Variants in RAB6B observed in about 807,000 individuals in gnomAD.
RAB6B encodes the protein ras-related protein Rab-6B.
In RAB6B, 7 loss-of-function variants were observed where a neutral mutation model predicts 31.2. The ratio of observed to expected loss-of-function variants is 0.22; its 90% CI spans 0.13 to 0.42. RAB6B has a LOEUF of 0.42. Among genes scored for constraint, RAB6B ranks in the 10% least tolerant of loss-of-function variants. The pLI is 1.00. For synonymous variants in RAB6B, 105 were observed against 104.9 expected, an observed-to-expected ratio of 1.00 and a Z score of -0.01; for missense variants, 149 against 280.6, an observed-to-expected ratio of 0.53 and a Z score of 3.35.
chr3:133,839,737 GA>G, intron 4 of RAB6B, 120 bp from the exon 5 acceptor site: 1 of 752,742 alleles, frequency 1.3e-6, no homozygotes, highest in East Asian at 2.5e-5. Context: ...GATACCCAGG[GA>G]GGGGTGTGAG....
At chr3:133,844,285 G>C (rs1392205031) in intron 2 of RAB6B, among the ~76,000 whole-genome samples, 2 of 152,200 alleles carry the variant, frequency 1.3e-5, no homozygotes, top group African/African-American at 4.8e-5. Context: ...CGAGGAACCT[G>C]AACAAGGCCA....
intron 6 of RAB6B, among the ~76,000 whole-genome samples, chr3:133,834,990 G>A (rs933717060): frequency 2.0e-5 from 3 of 152,220 alleles, no homozygotes; most frequent in Admixed American, 6.5e-5. Flanking sequence ...CTGGGTGACA[G>A]GCCTTAAGGT....
At chr3:133,883,725 C>G (rs539590759) in intron 1 of RAB6B, among the ~76,000 whole-genome samples, 1 of 152,386 alleles carries the variant, frequency 6.6e-6, no homozygotes, top group Admixed American at 6.5e-5. Context: ...CCCCCACTCA[C>G]AGACAGGGTC....
At chr3:133,878,623 TA>T (rs1366166315) in intron 1 of RAB6B, among the ~76,000 whole-genome samples, 10 of 152,252 alleles carry the variant, frequency 6.6e-5, no homozygotes, top group Non-Finnish European at 1.5e-4. Context: ...AAATGGTCAC[TA>T]CATGTGTATG....
At position 133,841,682 on chromosome 3, in the gene RAB6B, GA is replaced by G; in HGVS notation, c.130-20del. 1 of 1,613,590 alleles carries G rather than the reference GA, an allele frequency of 6.2e-7. No homozygotes were observed. The highest frequency in any genetic ancestry group is 2.2e-5 in the East Asian group (1 of 44,878). On this transcript the variant is annotated intron_variant, in intron 2 of 7. Coordinates refer to ENST00000285208, the MANE Select transcript of RAB6B (RefSeq NM_016577.4). ...TGGTTGCCTGTTAGAGAAAAGCACA[GA>G]ACGGTCAAAATCAAAAGGTCTCATG...
Position 133,895,578 on chromosome 3 carries a change from A to C in RAB6B, c.-112T>G. 9.3e-7 allele frequency: 1 copy of C among 1,075,888 alleles called. No homozygotes were observed. Among genetic ancestry groups the C allele is most frequent in the South Asian group, 1.4e-5 (1 of 71,476 alleles). The allele number at this position is 1,075,888 out of a possible 1,614,324, so 66.6% of individuals were successfully genotyped here. ...CGGCGGTGCGGGAGCCGGAGGGGGA[A>C]GGGCTGGCTGCGCGCGTCCCTGACT... On this transcript the variant is annotated 5_prime_UTR_variant, in exon 1 of 8. Coordinates refer to ENST00000285208, the MANE Select transcript of RAB6B (RefSeq NM_016577.4).
chr3:133,826,658 T>C lies in RAB6B; in HGVS notation c.*2130A>G, dbSNP rs940463681. The C allele has an allele frequency of 6.5e-6, 1 of 152,680 alleles. No homozygotes were observed. The highest frequency in any genetic ancestry group is 1.5e-5 in the Non-Finnish European group (1 of 68,054). The allele number at this position is 152,680 out of a possible 1,614,324, so 9.5% of individuals were successfully genotyped here. ...CCACACAGGCATGCACACCCGTGCA[T>C]ATAAAGTACATAGAGAAATGGTGGA... On this transcript the variant is annotated 3_prime_UTR_variant, in exon 8 of 8. Transcript: ENST00000285208.
At chr3:133,838,935 T>C (rs1253912409) in intron 5 of RAB6B, among the ~76,000 whole-genome samples, 1 of 152,232 alleles carries the variant, frequency 6.6e-6, no homozygotes, top group Non-Finnish European at 1.5e-5. Context: ...GTGGACAATG[T>C]ACACACATGG....
At chr3:133,871,308 G>A (rs139707875) in intron 1 of RAB6B, among the ~76,000 whole-genome samples, 38 of 152,324 alleles carry the variant, frequency 2.5e-4, no homozygotes, top group African/African-American at 8.4e-4. Context: ...AGGAAAGGCC[G>A]CTCTGCTGGG....
chr3:133,846,725 T>C (rs1322864130), intron 2 of RAB6B, among the ~76,000 whole-genome samples: 2 of 152,092 alleles, frequency 1.3e-5, no homozygotes, highest in South Asian at 4.2e-4. Context: ...GAAACAATGG[T>C]AAGAATTATA....
rs919469013 is a variant in RAB6B at position 133,895,501 on chromosome 3, G to A, written c.-35C>T. ...AGCCGGGGCCGGGAGAGGAGGAGGAGGAAAAAGCGAAGGAGCAGGGAGGGG... is the reference window on the plus strand; with the variant it reads ...AGCCGGGGCCGGGAGAGGAGGAGGAAGAAAAAGCGAAGGAGCAGGGAGGGG... On this transcript the variant is annotated 5_prime_UTR_variant, in exon 1 of 8. Coordinates refer to ENST00000285208, the MANE Select transcript of RAB6B (RefSeq NM_016577.4). 2.5e-6 allele frequency: 4 copies of A among 1,603,410 alleles called. No individual in the cohort carries two copies. Among genetic ancestry groups the A allele is most frequent in the African/African-American group, 1.3e-5 (1 of 74,758 alleles).
rs1056954525 is a variant in RAB6B at position 133,828,322 on chromosome 3, A to G, written c.*466T>C. ...GAAGCCTAATTAATTTGCTCAGTTA[A>G]TTGTTTTAATTTATTGGGCTGGGGA... On this transcript the variant is annotated 3_prime_UTR_variant, in exon 8 of 8. Transcript: ENST00000285208. 2.7e-5 allele frequency: 10 copies of G among 364,880 alleles called. No homozygotes were observed. Among genetic ancestry groups the G allele is most frequent in the African/African-American group, 1.7e-4 (8 of 47,868 alleles). The allele number at this position is 364,880 out of a possible 1,614,324, so 22.6% of individuals were successfully genotyped here. A position where few individuals can be genotyped will look rare whatever the true frequency, so the allele number is the denominator to read the frequency against.
intron 1 of RAB6B, among the ~76,000 whole-genome samples, chr3:133,894,162 G>A (rs765580482): frequency 6.6e-6 from 1 of 152,190 alleles, no homozygotes; most frequent in African/African-American, 2.4e-5. Context: ...GGGCCCCCTT[G>A]TCAGAGAGGC....
At chr3:133,873,113 C>T (rs533255840) in intron 1 of RAB6B, among the ~76,000 whole-genome samples, 1 of 152,238 alleles carries the variant, frequency 6.6e-6, no homozygotes, top group Non-Finnish European at 1.5e-5. Context: ...CTGCCCACTA[C>T]AGCAAGAAGG....
At chr3:133,863,205 T>C (rs998061921) in intron 2 of RAB6B, among the ~76,000 whole-genome samples, 5 of 152,162 alleles carry the variant, frequency 3.3e-5, no homozygotes, top group Non-Finnish European at 5.9e-5. Context: ...TATGGTCAGT[T>C]TCACCAAGTC....
chr3:133,882,670 C>A (rs1358019), intron 1 of RAB6B, among the ~76,000 whole-genome samples: 1 of 152,212 alleles, frequency 6.6e-6, no homozygotes, highest in Non-Finnish European at 1.5e-5. Context: ...CCACATCACA[C>A]CCAGCCCTCC....
At chr3:133,859,499 CA>C (rs1274193978) in intron 2 of RAB6B, among the ~76,000 whole-genome samples, 2 of 152,142 alleles carry the variant, frequency 1.3e-5, no homozygotes, top group African/African-American at 4.8e-5. Context: ...GCTTGATCCC[CA>C]CTCAGGTCTG....
chr3:133,874,012 AC>A (rs1464042267), intron 1 of RAB6B, among the ~76,000 whole-genome samples: 1 of 152,204 alleles, frequency 6.6e-6, no homozygotes, highest in African/African-American at 2.4e-5. Context: ...CATTGTCTTT[AC>A]GTTGAATAGG....
intron 2 of RAB6B, 85 bp downstream of exon 2, chr3:133,864,499 T>G: frequency 7.1e-7 from 1 of 1,405,608 alleles, no homozygotes; most frequent in South Asian, 1.2e-5. Flanking sequence ...CCCAGGGCCA[T>G]TCCACTCCCA....
Sources: allele counts gnomAD v4.1 joint callset (sites outside exome capture counted in the v4.1 genomes callset), GRCh38; gene constraint gnomAD v4.1.1; transcripts MANE v1.5; gene names NCBI Gene and HGNC (gene_info 2026-07-23, HGNC 2026-07-21).